Variants in SEZ6L observed in about 807,000 individuals in gnomAD.
SEZ6L encodes the protein seizure 6-like protein.
A neutral mutation model predicts 106.2 loss-of-function variants in SEZ6L; 37 were observed. The observed-to-expected ratio is 0.35, with a 90% CI of 0.27 to 0.46. The LOEUF is 0.46. Among genes scored for constraint, SEZ6L ranks in the 20% least tolerant of loss-of-function variants. SEZ6L has a pLI of 1.00. For synonymous variants in SEZ6L, 541 were observed against 570.4 expected (o/e 0.95, Z 0.73); for missense variants, 1,172 against 1,332.8 (o/e 0.88, Z 1.88).
At chr22:26,377,577 C>T (rs1233814716) in intron 15 of SEZ6L, 96 bp from the exon 16 acceptor site, 6 of 963,864 alleles carry the variant, frequency 6.2e-6, no homozygotes, top group Non-Finnish European at 8.3e-6. Flanking sequence ...ACAGAGGTGC[C>T]GCTGCTCAGG....
intron 1 of SEZ6L, among the ~76,000 whole-genome samples, chr22:26,224,043 T>C (rs945607227): frequency 6.6e-6 from 1 of 152,222 alleles, no homozygotes; most frequent in Non-Finnish European, 1.5e-5. Context: ...CTCAGTGGGT[T>C]ATCGTCATTG....
At chr22:26,254,269 G>A (rs2079726784) in intron 1 of SEZ6L, among the ~76,000 whole-genome samples, 2 of 152,128 alleles carry the variant, frequency 1.3e-5, no homozygotes, top group Admixed American at 1.3e-4. Context: ...TCTGCTTGAA[G>A]ATGGATTCAA....
intron 1 of SEZ6L, among the ~76,000 whole-genome samples, chr22:26,236,660 A>C (rs936109874): frequency 6.6e-6 from 1 of 152,226 alleles, no homozygotes; most frequent in African/African-American, 2.4e-5. Flanking sequence ...AGTGATGGGC[A>C]GGGAGAGGAG....
At position 26,235,337 on chromosome 22, in the gene SEZ6L, G is replaced by A. The variant is rs147344301; in HGVS notation, c.95-57069G>A. Among the ~76,000 whole-genome samples, 390 of 152,286 alleles carry A rather than the reference G, an allele frequency of 2.6e-3. 5 individuals carry two copies. The highest frequency in any genetic ancestry group is 2.5e-3 in the Non-Finnish European group (170 of 68,026). ...CTTGGTTGAGAACCACTGTCATAGA[G>A]TATCCATGTATTTATTCATCTACTT... is the stretch of plus-strand genomic sequence containing the variant. On this transcript the variant is annotated intron_variant, in intron 1 of 16. Coordinates refer to ENST00000248933, the MANE Select transcript of SEZ6L (RefSeq NM_021115.5).
At chr22:26,348,949 G>GA (rs1306513858) in intron 11 of SEZ6L, among the ~76,000 whole-genome samples, 2 of 142,962 alleles carry the variant, frequency 1.4e-5, no homozygotes, top group African/African-American at 2.6e-5. Context: ...GGGAGGGAAG[G>GA]AAAAAGAGAG....
chr22:26,375,622 C>G lies in SEZ6L; in HGVS notation c.2875C>G (p.Leu959Val), dbSNP rs1337122548. 1 of 1,614,162 alleles carries G rather than the reference C, an allele frequency of 6.2e-7. No individual in the cohort carries two copies. Among genetic ancestry groups the G allele is most frequent in the South Asian group, 1.1e-5 (1 of 91,080 alleles). ...ETSLEGGNMA[L>V]AIFIPVLIIS... Reference sequence around the variant, plus strand: ...GTCGCTGGAAGGGGGGAACATGGCCCTGGCTATCTTCATCCCGGTCCTCAT... The same window carrying G: ...GTCGCTGGAAGGGGGGAACATGGCCGTGGCTATCTTCATCCCGGTCCTCAT... The change falls in exon 15 of 17, where the codon CTG (leucine) becomes GTG (valine). Residue 959 changes from leucine (L) to valine (V), a missense_variant. By Grantham distance (32) the Leu-to-Val change is conservative. This residue lies in a region of SEZ6L where 141 missense variants were observed against 176.0 expected (regional missense o/e 0.80). Coordinates refer to ENST00000248933, the MANE Select transcript of SEZ6L (RefSeq NM_021115.5).
chr22:26,375,741 AGAGGGACTG>A (rs769484985), intron 15 of SEZ6L, 52 bp downstream of exon 15: 17 of 1,399,844 alleles, frequency 1.2e-5, no homozygotes, highest in South Asian at 6.3e-5. Flanking sequence ...ACCAGTACTC[AGAGGGACTG>A]GGCGGTTCAC....
chr22:26,304,993 G>A (rs1182829613), intron 5 of SEZ6L, among the ~76,000 whole-genome samples: 1 of 152,110 alleles, frequency 6.6e-6, no homozygotes, highest in Non-Finnish European at 1.5e-5. Context: ...AGGCTATATG[G>A]TACAGCCTAT....
At chr22:26,175,544 C>T (rs1288551090) in intron 1 of SEZ6L, among the ~76,000 whole-genome samples, 4 of 152,114 alleles carry the variant, frequency 2.6e-5, no homozygotes, top group Non-Finnish European at 5.9e-5. Flanking sequence ...ACTCCAAACA[C>T]TGACAGGACA....
intron 9 of SEZ6L, among the ~76,000 whole-genome samples, chr22:26,316,878 A>AAG (rs1469220142): frequency 3.5e-4 from 52 of 148,552 alleles, no homozygotes; most frequent in African/African-American, 1.3e-3. Flanking sequence ...GAAGGAAAGA[A>AAG]AGAAAGAAAG....
At chr22:26,169,942 T>G (rs1228672595) in intron 1 of SEZ6L, among the ~76,000 whole-genome samples, 179 bp downstream of exon 1, 1 of 152,054 alleles carries the variant, frequency 6.6e-6, no homozygotes, top group African/African-American at 2.4e-5. Context: ...GATGGGAGTG[T>G]GGAGGCGGGG....
intron 1 of SEZ6L, among the ~76,000 whole-genome samples, chr22:26,268,739 A>C (rs919511776): frequency 7.2e-5 from 11 of 152,240 alleles, no homozygotes; most frequent in African/African-American, 2.7e-4. Context: ...CATCCACTAT[A>C]TACCAGTAGT....
At chr22:26,208,074 T>G (rs183611578) in intron 1 of SEZ6L, among the ~76,000 whole-genome samples, 2,224 of 151,386 alleles carry the variant, frequency 0.015, 23 homozygotes, top group Non-Finnish European at 0.022. Flanking sequence ...CATGCCCAGC[T>G]AATTTTTTTT....
intron 1 of SEZ6L, among the ~76,000 whole-genome samples, chr22:26,253,155 C>T (rs1054832372): frequency 3.3e-5 from 5 of 152,280 alleles, no homozygotes; most frequent in African/African-American, 1.2e-4. Flanking sequence ...AATGATGTGG[C>T]TGGCCCAGAA....
chr22:26,338,362 C>T (rs1054739219), intron 9 of SEZ6L, among the ~76,000 whole-genome samples: 10 of 152,140 alleles, frequency 6.6e-5, no homozygotes, highest in African/African-American at 2.4e-4. Context: ...CTCCTTTCTT[C>T]CCTCTGCCTT....
chr22:26,216,219 G>A (rs778658347), intron 1 of SEZ6L, among the ~76,000 whole-genome samples: 10 of 152,202 alleles, frequency 6.6e-5, no homozygotes, highest in Non-Finnish European at 1.3e-4. Context: ...TGGTCAGTTA[G>A]TGGAGGAGCT....
intron 9 of SEZ6L, among the ~76,000 whole-genome samples, chr22:26,337,266 A>G (rs1473644958): frequency 1.3e-5 from 2 of 152,216 alleles, no homozygotes; most frequent in Non-Finnish European, 2.9e-5. Context: ...TATTTTATGG[A>G]GAACAAAGAG....
chr22:26,375,441 T>G (rs2146084318), intron 14 of SEZ6L, 134 bp from the exon 15 acceptor site: 1 of 688,354 alleles, frequency 1.5e-6, no homozygotes, highest in East Asian at 2.7e-5. Flanking sequence ...GAGATGGCTC[T>G]GCAAGGTCTA....
chr22:26,283,241 C>G (rs945607588), intron 1 of SEZ6L, among the ~76,000 whole-genome samples: 4 of 151,988 alleles, frequency 2.6e-5, no homozygotes, highest in Non-Finnish European at 4.4e-5. Flanking sequence ...TCTAGTATGC[C>G]CTCCTTAAGA....
Sources: allele counts gnomAD v4.1 joint callset (sites outside exome capture counted in the v4.1 genomes callset), GRCh38; gene constraint gnomAD v4.1.1; regional missense constraint gnomAD v4.1.1; transcripts MANE v1.5; gene names NCBI Gene and HGNC (gene_info 2026-07-23, HGNC 2026-07-21).